ARHGAP6: variants seen among roughly 807,000 people sequenced by gnomAD.
ARHGAP6 encodes Rho GTPase activating protein 6, also known as rho GTPase-activating protein 6.
ARHGAP6 carries 16 observed loss-of-function variants against 55.7 expected under a neutral mutation model. The ratio of observed to expected loss-of-function variants is 0.29; its 90% CI spans 0.19 to 0.44. ARHGAP6 has a LOEUF of 0.44. Ranked by LOEUF, ARHGAP6 falls within the 20% of genes least tolerant of loss-of-function variation. The probability of loss-of-function intolerance (pLI) is 1.00; values close to 1 mark genes in which losing one functional copy is unlikely to be tolerated. For missense variants in ARHGAP6, 698 were observed against 808.9 expected (o/e 0.86, Z 1.66); for synonymous variants, 382 against 360.9 (o/e 1.06, Z -0.66).
intron 1 of ARHGAP6, among the ~76,000 whole-genome samples, chrX:11,643,050 A>G (rs1423272907): frequency 1.8e-5 from 2 of 111,278 alleles, no homozygotes; most frequent in Non-Finnish European, 1.9e-5. Flanking sequence ...GCTGTTTTCT[A>G]TAGCCATTGC....
chrX:11,629,097 T>A (rs933728502), intron 1 of ARHGAP6, among the ~76,000 whole-genome samples: 1 of 111,555 alleles, frequency 9.0e-6, no homozygotes, highest in Non-Finnish European at 1.9e-5. Flanking sequence ...ATTACTTAGT[T>A]CATTCCAAGA....
chrX:11,557,875 G>A (rs1477128524), intron 1 of ARHGAP6, among the ~76,000 whole-genome samples: 2 of 112,045 alleles, frequency 1.8e-5, no homozygotes, highest in Non-Finnish European at 3.8e-5. Context: ...AAGTTATACT[G>A]CAGGCTAATG....
chrX:11,648,510 C>T (rs1171489302), intron 1 of ARHGAP6, among the ~76,000 whole-genome samples: 1 of 111,781 alleles, frequency 8.9e-6, no homozygotes, highest in African/African-American at 3.3e-5. Context: ...TGTTGCCTTT[C>T]CTCTTCCCGC....
rs944617670 is a variant in ARHGAP6, at chrX:11,620,595, T to C, written c.588+43646A>G. Among the ~76,000 whole-genome samples the C allele has an allele frequency of 5.3e-5, 6 of 112,203 alleles. No homozygotes were observed. The East Asian group carries it at 1.7e-3, about 32-fold the overall frequency. On this transcript the variant is annotated intron_variant, in intron 1 of 12. Transcript: ENST00000337414. ...AAAGGCTGAAGCCAGGCTTTAGGCT[T>C]AAAGCTGGACTGGATTTGGCACCCT...
intron 1 of ARHGAP6, among the ~76,000 whole-genome samples, chrX:11,556,767 C>A (rs2051323713): frequency 1.8e-5 from 2 of 111,837 alleles, no homozygotes. Flanking sequence ...AAGTAGAAAT[C>A]ACCCTACTTT....
intron 2 of ARHGAP6, among the ~76,000 whole-genome samples, chrX:11,206,531 T>C (rs1234752872): frequency 8.9e-6 from 1 of 112,204 alleles, no homozygotes; most frequent in East Asian, 2.8e-4. Flanking sequence ...GAGCACAAGC[T>C]GATCTGCCAA....
intron 1 of ARHGAP6, among the ~76,000 whole-genome samples, chrX:11,573,744 G>C (rs1221447885): frequency 9.0e-6 from 1 of 110,553 alleles, no homozygotes; most frequent in Non-Finnish European, 1.9e-5. Context: ...TAGCTTGATG[G>C]GGATGGCATT....
chrX:11,179,209 G>A, intron 7 of ARHGAP6, 93 bp downstream of exon 7: 2 of 910,051 alleles, frequency 2.2e-6, no homozygotes, highest in Non-Finnish European at 2.9e-6. Context: ...AGGACAAAAA[G>A]TTATCAGGAA....
intron 1 of ARHGAP6, among the ~76,000 whole-genome samples, chrX:11,413,594 G>A (rs992349888): frequency 9.0e-6 from 1 of 111,635 alleles, no homozygotes; most frequent in African/African-American, 3.3e-5. Flanking sequence ...GGCCCTTTAT[G>A]TTCTTGCCTC....
At chrX:11,235,473 T>C (rs899103843) in intron 2 of ARHGAP6, among the ~76,000 whole-genome samples, 3 of 110,871 alleles carry the variant, frequency 2.7e-5, no homozygotes, top group African/African-American at 9.9e-5. Flanking sequence ...GGAGACATTT[T>C]CCCCATTGTC....
At chrX:11,402,684 T>C (rs1009924670) in intron 1 of ARHGAP6, among the ~76,000 whole-genome samples, 3 of 112,161 alleles carry the variant, frequency 2.7e-5, no homozygotes, top group Non-Finnish European at 5.6e-5. Context: ...ATGTTTCACA[T>C]AGGAGTGATG....
At chrX:11,407,746 G>T (rs560481131) in intron 1 of ARHGAP6, among the ~76,000 whole-genome samples, 3 of 111,871 alleles carry the variant, frequency 2.7e-5, no homozygotes, top group Middle Eastern at 4.6e-3. Context: ...GACTGCTAAA[G>T]ATTTTGAGCA....
intron 2 of ARHGAP6, among the ~76,000 whole-genome samples, chrX:11,224,590 G>A (rs1319187573): frequency 1.8e-5 from 2 of 111,157 alleles, no homozygotes; most frequent in African/African-American, 6.6e-5. Context: ...TTTAGGGTTG[G>A]AATTTCCTGG....
chrX:11,357,891 T>C (rs1461949689), intron 1 of ARHGAP6, among the ~76,000 whole-genome samples: 1 of 111,757 alleles, frequency 8.9e-6, no homozygotes, highest in African/African-American at 3.3e-5. Context: ...AAAATTGAGA[T>C]ATAATTCACA....
chrX:11,392,614 A>T (rs12014996), intron 1 of ARHGAP6, among the ~76,000 whole-genome samples: 6,139 of 111,480 alleles, frequency 0.055, 190 homozygotes, highest in African/African-American at 0.12. Context: ...TCTCAAATTG[A>T]TTGTCTCATT....
chrX:11,571,661 C>A (rs928899219), intron 1 of ARHGAP6, among the ~76,000 whole-genome samples: 3 of 106,090 alleles, frequency 2.8e-5, no homozygotes, highest in African/African-American at 1.0e-4. Context: ...ACAGTTTGAC[C>A]CCAGAGTTCA....
intron 1 of ARHGAP6, among the ~76,000 whole-genome samples, chrX:11,277,477 G>T (rs370649406): frequency 2.2e-4 from 25 of 111,128 alleles, no homozygotes; most frequent in African/African-American, 8.1e-4. Context: ...CAAATAGCAA[G>T]ATTCAAACAC....
intron 1 of ARHGAP6, among the ~76,000 whole-genome samples, chrX:11,410,411 C>T (rs778685763): frequency 2.7e-5 from 3 of 112,519 alleles, no homozygotes; most frequent in African/African-American, 6.4e-5. Context: ...TGGAAAATCT[C>T]AAGAACAGGC....
chrX:11,279,763 T>C (rs2047829850), intron 1 of ARHGAP6, among the ~76,000 whole-genome samples: 2 of 111,449 alleles, frequency 1.8e-5, no homozygotes, highest in South Asian at 7.6e-4. Flanking sequence ...ATTAATAATC[T>C]CATTTAATCT....
Sources: allele counts gnomAD v4.1 joint callset (sites outside exome capture counted in the v4.1 genomes callset), GRCh38; gene constraint gnomAD v4.1.1; transcripts MANE v1.5; gene names NCBI Gene and HGNC (gene_info 2026-07-23, HGNC 2026-07-21).